CAPN11: variants seen among roughly 807,000 people sequenced by gnomAD.
The protein encoded by CAPN11 is calpain 11, also known as calpain-11.
A neutral mutation model predicts 105.3 loss-of-function variants in CAPN11; 108 were observed. That is an observed-to-expected ratio of 1.03 (90% CI 0.88 to 1.20). The LOEUF is 1.20. CAPN11 is among the 50% of genes most tolerant of loss of function. The probability of loss-of-function intolerance (pLI) is 0.00; values close to 1 mark genes in which losing one functional copy is unlikely to be tolerated. For missense variants in CAPN11, 883 were observed against 924.8 expected, an observed-to-expected ratio of 0.95 and a Z score of 0.59; for synonymous variants, 329 against 344.5, an observed-to-expected ratio of 0.96 and a Z score of 0.50.
At chr6:44,166,861 C>T in intron 2 of CAPN11, 32 bp downstream of exon 2, 3 of 1,452,974 alleles carry the variant, frequency 2.1e-6, no homozygotes, top group Non-Finnish European at 2.8e-6. Context: ...GGCTCTGTGG[C>T]CTCCCTTTTT....
Position 44,176,769 on chromosome 6 carries a change from G to T in CAPN11, c.1077-69G>T, listed in dbSNP as rs1024503955. On this transcript the variant is annotated intron_variant, in intron 10 of 22. Transcript: ENST00000398776. ...GGGAGGCTTGGGGTGGTTGTGGGGG[G>T]TGGTTCAGGGAGAGGGAACTGAGGA... 19 of 1,589,294 alleles carry T rather than the reference G, an allele frequency of 1.2e-5. No individual in the cohort carries two copies. The East Asian group carries it at 2.9e-4, about 24-fold the overall frequency.
At chr6:44,182,205 C>CCA (rs1773789194) in intron 19 of CAPN11, among the ~76,000 whole-genome samples, 1 of 95,598 alleles carries the variant, frequency 1.0e-5, no homozygotes, top group Non-Finnish European at 2.5e-5. Flanking sequence ...CACAACCACA[C>CCA]CACACTCACA....
chr6:44,172,479 T>A lies in CAPN11; in HGVS notation c.528+59T>A. 8.8e-6 allele frequency: 9 copies of A among 1,017,864 alleles called. No homozygotes were observed. The South Asian group carries it at 1.4e-4, about 16-fold the overall frequency. The allele number at this position is 1,017,864 out of a possible 1,614,324, so 63.1% of individuals were successfully genotyped here. A position where few individuals can be genotyped will look rare whatever the true frequency, so the allele number is the denominator to read the frequency against. ...TTGGGGGCGGGGGAAGAATCATATA[T>A]GCTTTGAAGTTTACCTTCTTTCCTT... On this transcript the variant is annotated intron_variant, in intron 5 of 22. Coordinates refer to ENST00000398776, the MANE Select transcript of CAPN11 (RefSeq NM_007058.4).
chr6:44,173,518 T>C (rs1771373120), intron 7 of CAPN11, 132 bp downstream of exon 7: 1 of 601,540 alleles, frequency 1.7e-6, no homozygotes, highest in Non-Finnish European at 2.9e-6. Flanking sequence ...AGACTAGCCT[T>C]CCCTACCTCC....
chr6:44,178,642 C>T (rs1162239579), intron 12 of CAPN11, among the ~76,000 whole-genome samples: 2 of 150,588 alleles, frequency 1.3e-5, no homozygotes, highest in South Asian at 2.1e-4. Context: ...GGAGGTGGCT[C>T]ATGCCTATTA....
chr6:44,169,790 C>T lies in CAPN11; in HGVS notation c.340-116C>T, dbSNP rs1262076306. On this transcript the variant is annotated intron_variant, in intron 3 of 22. Transcript: ENST00000398776. ...AAGTTGGTCCTGTACCCTCTCCCTGCCCCTCATATCTGTTCCCCTGGAACT... is the reference window on the plus strand; with the variant it reads ...AAGTTGGTCCTGTACCCTCTCCCTGTCCCTCATATCTGTTCCCCTGGAACT... 3 of 870,820 alleles carry T rather than the reference C, an allele frequency of 3.4e-6. No individual in the cohort carries two copies. The South Asian group carries it at 4.7e-5, about 14-fold the overall frequency. The allele number at this position is 870,820 out of a possible 1,614,324, so 53.9% of individuals were successfully genotyped here. A position where few individuals can be genotyped will look rare whatever the true frequency, so the allele number is the denominator to read the frequency against.
At chr6:44,179,586 G>A (rs752149592) in intron 12 of CAPN11, 33 bp from the exon 13 acceptor site, 6 of 1,608,942 alleles carry the variant, frequency 3.7e-6, no homozygotes, top group East Asian at 4.5e-5. Flanking sequence ...CACCACCCTA[G>A]AGATCTGACT....
In CAPN11 at chr6:44,176,311, T is replaced by C. The variant is rs748826944; in HGVS notation, c.974T>C (p.Ile325Thr). 1 of 1,613,862 alleles carries C rather than the reference T, an allele frequency of 6.2e-7. No homozygotes were observed. The highest frequency in any genetic ancestry group is 1.1e-5 in the South Asian group (1 of 91,072). ...LIRVRNPWGR[I>T]EWNGAWSDSA... The stretch of plus-strand genomic sequence containing the variant: ...CGGGTCCGGAATCCCTGGGGCCGGA[T>C]TGAGTGGAATGGAGCTTGGAGTGAC... Residue 325 changes from isoleucine (I) to threonine (T), a missense_variant, in exon 9 of 23, where the codon ATT (isoleucine) becomes ACT (threonine). Transcript: ENST00000398776.
At chr6:44,177,653 AT>A in intron 12 of CAPN11, 1 of 488,794 alleles carries the variant, frequency 2.0e-6, no homozygotes, top group Non-Finnish European at 3.7e-6. Context: ...TGCCCAGCTA[AT>A]TTTTGTATTT....
chr6:44,181,294 C>T lies in CAPN11; in HGVS notation c.1912C>T (p.Leu638=). The T allele has an allele frequency of 6.2e-7, 1 of 1,613,476 alleles. No individual in the cohort carries two copies. The highest frequency in any genetic ancestry group is 8.5e-7 in the Non-Finnish European group (1 of 1,179,608). ...GCTGGGGCTTCTAGAGTTCAAGATC[C>T]TGTGGAAAAAACTCAAGAAATGGAT... is the stretch of plus-strand genomic sequence containing the variant. ...GKLGLLEFKI[L]WKKLKKWMDI... is the part of the protein sequence containing the mutation. The change falls in exon 19 of 23, where the codon CTG becomes TTG. Residue 638 remains leucine (L), a synonymous_variant. Transcript: ENST00000398776.
intron 19 of CAPN11, 93 bp downstream of exon 19, chr6:44,181,413 TAAC>T: frequency 1.5e-6 from 1 of 659,292 alleles, no homozygotes; most frequent in Non-Finnish European, 2.3e-6. Flanking sequence ...ACCCAAGCCC[TAAC>T]CACACACACA....
intron 5 of CAPN11, 98 bp downstream of exon 5, chr6:44,172,518 T>G (rs1300239606): frequency 9.9e-6 from 7 of 703,788 alleles, no homozygotes; most frequent in Non-Finnish European, 1.6e-5. Flanking sequence ...AAAAATAGCA[T>G]TTATTAGGGT....
intron 4 of CAPN11, among the ~76,000 whole-genome samples, chr6:44,171,126 A>T (rs1561843804): frequency 6.6e-6 from 1 of 152,136 alleles, no homozygotes; most frequent in Non-Finnish European, 1.5e-5. Context: ...AGCGCCCTTG[A>T]TATTCCTCTC....
At chr6:44,172,887 A>G in intron 5 of CAPN11, 53 bp from the exon 6 acceptor site, 1 of 1,588,034 alleles carries the variant, frequency 6.3e-7, no homozygotes, top group Non-Finnish European at 8.6e-7. Context: ...GGCCACTAGG[A>G]GGCGCTTGAT....
chr6:44,169,110 T>A, intron 2 of CAPN11, 171 bp from the exon 3 acceptor site: 1 of 743,832 alleles, frequency 1.3e-6, no homozygotes, highest in Non-Finnish European at 2.3e-6. Flanking sequence ...AAAAAAAATT[T>A]TTTTGTCGAG....
At chr6:44,171,531 A>G (rs938590700) in intron 4 of CAPN11, among the ~76,000 whole-genome samples, 1 of 152,196 alleles carries the variant, frequency 6.6e-6, no homozygotes, top group Admixed American at 6.5e-5. Context: ...TCTGTCTCAA[A>G]GAAAGCAGGT....
rs567163175 is a variant in CAPN11 at position 44,177,210 on chromosome 6, C to T, written c.1238-32C>T. The T allele has an allele frequency of 2.1e-5, 33 of 1,549,940 alleles. No homozygotes were observed. In the African/African-American group the frequency reaches 2.7e-4, roughly 13 times the overall value. On this transcript the variant is annotated intron_variant, in intron 11 of 22. Coordinates refer to ENST00000398776, the MANE Select transcript of CAPN11 (RefSeq NM_007058.4). ...GAAGGGCGTGGCCAAGGGAAGCCCC[C>T]GTATAACCACGCTGACCCACTTCCG...
In CAPN11 at chr6:44,169,363, C is replaced by G. The variant is rs745426941; in HGVS notation, c.171C>G (p.Asn57Lys). The G allele has an allele frequency of 1.3e-5, 21 of 1,614,034 alleles. No homozygotes were observed. Among genetic ancestry groups the G allele is most frequent in the Non-Finnish European group, 1.8e-5 (21 of 1,179,904 alleles). The change falls in exon 3 of 23, where the codon AAC becomes AAG. Residue 57 changes from asparagine to lysine, a missense_variant. Physicochemically the swap from Asn to Lys is moderately conservative, Grantham distance 94. Transcript: ENST00000398776. The part of the protein sequence containing the change: ...LKAKGVGQHD[N>K]AQNFGNQSFE... The stretch of plus-strand genomic sequence containing the variant: ...CCAAGGGCGTGGGCCAGCACGACAA[C>G]GCCCAGAACTTTGGTAACCAGAGCT...
At position 44,163,300 on chromosome 6, in the gene CAPN11, C is replaced by G. The variant is rs190038270; in HGVS notation, c.17-3458C>G. On this transcript the variant is annotated intron_variant, in intron 1 of 22. Transcript: ENST00000398776. ...GGACAAGCCACCCCTTTTCCAACAC[C>G]TTTATCCATCCTCAACACCCCCTGT... 5.3e-5 allele frequency among the ~76,000 whole-genome samples: 8 copies of G among 152,276 alleles called. No individual in the cohort carries two copies. The East Asian group carries it at 1.4e-3, about 26-fold the overall frequency.
Sources: allele counts gnomAD v4.1 joint callset (sites outside exome capture counted in the v4.1 genomes callset), GRCh38; gene constraint gnomAD v4.1.1; transcripts MANE v1.5; gene names NCBI Gene and HGNC (gene_info 2026-07-23, HGNC 2026-07-21).